Variants in CDKAL1 observed in about 807,000 individuals in gnomAD.
The protein encoded by CDKAL1 is threonylcarbamoyladenosine tRNA methylthiotransferase.
Under a neutral mutation model 68.2 loss-of-function variants are expected in CDKAL1, and 32 were observed. That is an observed-to-expected ratio of 0.47 (90% CI 0.35 to 0.63). CDKAL1 has a LOEUF of 0.63. Ranked by LOEUF, CDKAL1 falls within the 30% of genes least tolerant of loss-of-function variation. CDKAL1 has a pLI of 0.00. For synonymous variants in CDKAL1, 234 were observed against 244.3 expected, an observed-to-expected ratio of 0.96 and a Z score of 0.39; for missense variants, 606 against 696.7, an observed-to-expected ratio of 0.87 and a Z score of 1.47.
At chr6:21,082,594 G>A (rs1444241553) in intron 12 of CDKAL1, among the ~76,000 whole-genome samples, 2 of 152,134 alleles carry the variant, frequency 1.3e-5, no homozygotes, top group African/African-American at 4.8e-5. Flanking sequence ...GACCAAACAA[G>A]TGTCAGTTTT....
chr6:20,911,766 A>G (rs528864407), intron 9 of CDKAL1, among the ~76,000 whole-genome samples: 6 of 152,128 alleles, frequency 3.9e-5, no homozygotes, highest in African/African-American at 1.4e-4. Flanking sequence ...GTCTTCCCCA[A>G]CCTCTGAGAT....
chr6:20,921,949 T>C (rs958678911), intron 9 of CDKAL1, among the ~76,000 whole-genome samples: 1 of 152,204 alleles, frequency 6.6e-6, no homozygotes, highest in East Asian at 1.9e-4. Context: ...CAGGCCTGAT[T>C]TGCAGTTACT....
intron 13 of CDKAL1, among the ~76,000 whole-genome samples, chr6:21,176,696 G>GT (rs1169908107): frequency 0.062 from 6,253 of 100,372 alleles, 228 homozygotes; most frequent in East Asian, 0.11. Context: ...TTTTTTTTTT[G>GT]TTTTTTTTTT....
intron 13 of CDKAL1, among the ~76,000 whole-genome samples, chr6:21,159,280 T>G (rs1776795607): frequency 6.6e-6 from 1 of 152,182 alleles, no homozygotes; most frequent in Non-Finnish European, 1.5e-5. Context: ...CATTTCACAC[T>G]GATTATAAGC....
chr6:21,176,700 T>TG (rs1204236575), intron 13 of CDKAL1, among the ~76,000 whole-genome samples: 5 of 146,414 alleles, frequency 3.4e-5, no homozygotes, highest in African/African-American at 5.1e-5. Flanking sequence ...TTTTTTGTTT[T>TG]TTTTTTTTTT....
rs547217158 is a variant in CDKAL1 at position 20,716,019 on chromosome 6, C to T, written c.372-23500C>T. Among the ~76,000 whole-genome samples the T allele has an allele frequency of 3.0e-4, 46 of 152,188 alleles. 1 individual carries two copies. Among genetic ancestry groups the T allele is most frequent in the Admixed American group, 1.8e-3 (28 of 15,272 alleles). ...ATGAGAAGGTGAGAGACAGCTAGTG[C>T]GTGCTCATGGGATATGACATTTGAA... On this transcript the variant is annotated intron_variant, in intron 5 of 15. Transcript: ENST00000274695.
Position 21,065,010 on chromosome 6 carries a change from T to C in CDKAL1, c.1056-38T>C, listed in dbSNP as rs574821171. The C allele has an allele frequency of 1.7e-5, 22 of 1,257,974 alleles. No individual in the cohort carries two copies. In the South Asian group the frequency reaches 3.4e-4, roughly 19 times the overall value. The allele number at this position is 1,257,974 out of a possible 1,614,324, so 77.9% of individuals were successfully genotyped here. ...AGGGAAATAGAATAATTATGGCTTATAGTCAAGTTTTTACATTTTTGTCTT... is the reference window on the plus strand; with the variant it reads ...AGGGAAATAGAATAATTATGGCTTACAGTCAAGTTTTTACATTTTTGTCTT... On this transcript the variant is annotated intron_variant, in intron 11 of 15. Transcript: ENST00000274695.
intron 4 of CDKAL1, among the ~76,000 whole-genome samples, chr6:20,602,636 T>G (rs1388879316): frequency 3.3e-5 from 5 of 152,194 alleles, no homozygotes; most frequent in African/African-American, 1.2e-4. Context: ...GATTTACCTT[T>G]CCTTGGGAAG....
rs1233008970 is a variant in CDKAL1 at position 20,802,306 on chromosome 6, C to CAATAATAAT, written c.638+21043_638+21044insTAATAATAA. Among the ~76,000 whole-genome samples, 10 of 98,414 alleles carry CAATAATAAT rather than the reference C, an allele frequency of 1.0e-4. No homozygotes were observed. The South Asian group carries it at 1.4e-3, about 13-fold the overall frequency. The allele number at this position is 98,414 out of a possible 152,430, so 64.6% of individuals were successfully genotyped here. A position where few individuals can be genotyped will look rare whatever the true frequency, so the allele number is the denominator to read the frequency against. ...AGCAAGACTCCGTCTCAAAAAACAA[C>CAATAATAAT]AACAACAACAATAATAATAATAATA... On this transcript the variant is annotated intron_variant, in intron 8 of 15. Transcript: ENST00000274695.
At chr6:21,194,621 C>G (rs1778393932) in intron 13 of CDKAL1, among the ~76,000 whole-genome samples, 1 of 152,188 alleles carries the variant, frequency 6.6e-6, no homozygotes, top group South Asian at 2.1e-4. Flanking sequence ...AGGATGATTA[C>G]TCTCAATTTT....
At chr6:21,212,691 TA>T (rs1413632569) in intron 15 of CDKAL1, among the ~76,000 whole-genome samples, 10 of 152,206 alleles carry the variant, frequency 6.6e-5, no homozygotes, top group Non-Finnish European at 1.5e-4. Flanking sequence ...TTATAATGTT[TA>T]AAATTTTTTT....
chr6:20,691,369 G>T (rs1312346738), intron 5 of CDKAL1, among the ~76,000 whole-genome samples: 1 of 151,910 alleles, frequency 6.6e-6, no homozygotes, highest in Non-Finnish European at 1.5e-5. Flanking sequence ...TCTGCTTGGT[G>T]ATGTTGGAGA....
intron 5 of CDKAL1, among the ~76,000 whole-genome samples, chr6:20,699,805 C>A (rs1270943252): frequency 6.6e-6 from 1 of 152,152 alleles, no homozygotes; most frequent in African/African-American, 2.4e-5. Flanking sequence ...CCATGTACAG[C>A]ATTATTTACC....
At chr6:20,998,070 G>A (rs1315790335) in intron 10 of CDKAL1, among the ~76,000 whole-genome samples, 2 of 152,114 alleles carry the variant, frequency 1.3e-5, no homozygotes, top group African/African-American at 4.8e-5. Flanking sequence ...ATCTCGCAAA[G>A]TGTATTACAT....
intron 9 of CDKAL1, among the ~76,000 whole-genome samples, chr6:20,945,097 A>ACAC (rs1487107017): frequency 4.4e-5 from 4 of 90,596 alleles, no homozygotes; most frequent in Admixed American, 1.1e-4. Flanking sequence ...CACACACACA[A>ACAC]CCTTTTTACT....
intron 13 of CDKAL1, among the ~76,000 whole-genome samples, chr6:21,155,970 A>G (rs995206188): frequency 6.6e-6 from 1 of 152,240 alleles, no homozygotes; most frequent in Admixed American, 6.5e-5. Context: ...TTGCATTCAT[A>G]TGGCATAATG....
chr6:21,099,649 T>C (rs992691327), intron 12 of CDKAL1, among the ~76,000 whole-genome samples: 1 of 152,242 alleles, frequency 6.6e-6, no homozygotes, highest in Non-Finnish European at 1.5e-5. Flanking sequence ...GTTAGTGATA[T>C]TGAGTTGATA....
At position 20,814,849 on chromosome 6, in the gene CDKAL1, C is replaced by T. The variant is rs139849393; in HGVS notation, c.639-31226C>T. Among the ~76,000 whole-genome samples the T allele has an allele frequency of 7.0e-3, 1,071 of 152,256 alleles. 12 individuals are homozygous for T. The highest frequency in any genetic ancestry group is 0.012 in the Non-Finnish European group (836 of 68,018). On this transcript the variant is annotated intron_variant, in intron 8 of 15. Transcript: ENST00000274695. ...CTTTTAAGCTTGTTCATCTTTCATA[C>T]TCTGCCCTACAAATTTTCACTGACT...
At chr6:20,865,650 T>C (rs534753065) in intron 9 of CDKAL1, among the ~76,000 whole-genome samples, 1 of 152,178 alleles carries the variant, frequency 6.6e-6, no homozygotes, top group Non-Finnish European at 1.5e-5. Context: ...AAATCTGTTC[T>C]TATCAAATTT....
Sources: gnomAD v4.1 joint callset for allele counts (sites outside exome capture counted in the v4.1 genomes callset) on GRCh38, gnomAD v4.1.1 for gene constraint, MANE v1.5 for transcripts, NCBI Gene and HGNC (gene_info 2026-07-23, HGNC 2026-07-21) for gene names.